Variants in PUF60 observed in about 807,000 individuals in gnomAD.
PUF60 encodes poly(U)-binding-splicing factor PUF60.
A neutral mutation model predicts 61.8 loss-of-function variants in PUF60; 10 were observed. The observed-to-expected ratio is 0.16, with a 90% CI of 0.10 to 0.27. The LOEUF (loss-of-function observed/expected upper bound fraction) is 0.27. Ranked by LOEUF, PUF60 falls within the 10% of genes least tolerant of loss-of-function variation. The probability of loss-of-function intolerance (pLI) is 1.00; values close to 1 mark genes in which losing one functional copy is unlikely to be tolerated. For missense variants in PUF60, 371 were observed against 754.0 expected (o/e 0.49, Z 5.95); for synonymous variants, 353 against 300.9 (o/e 1.17, Z -1.79).
chr8:143,819,881 A>T (rs554685291), intron 5 of PUF60, among the ~76,000 whole-genome samples: 4 of 151,958 alleles, frequency 2.6e-5, no homozygotes, highest in Non-Finnish European at 2.9e-5. Context: ...CCAGACCCCC[A>T]GCCCGGGCTC....
At chr8:143,820,938 A>G (rs1410155994) in intron 4 of PUF60, among the ~76,000 whole-genome samples, 5 of 151,936 alleles carry the variant, frequency 3.3e-5, no homozygotes, top group African/African-American at 4.8e-5. Flanking sequence ...GGCAGAAAGG[A>G]AGGGAGGGAG....
intron 1 of PUF60, among the ~76,000 whole-genome samples, chr8:143,828,503 G>A (rs1817902391): frequency 6.6e-6 from 1 of 152,230 alleles, no homozygotes. Context: ...CGCCTGCCCT[G>A]CCCGGGGAAG....
chr8:143,816,359 A>G lies in PUF60; in HGVS notation c.*161T>C, dbSNP rs1364846195. 6.3e-6 allele frequency: 5 copies of G among 787,692 alleles called. No homozygotes were observed. The highest frequency in any genetic ancestry group is 7.9e-6 in the Non-Finnish European group (4 of 508,218). The allele number at this position is 787,692 out of a possible 1,614,324, so 48.8% of individuals were successfully genotyped here. A position where few individuals can be genotyped will look rare whatever the true frequency, so the allele number is the denominator to read the frequency against. On this transcript the variant is annotated 3_prime_UTR_variant, in exon 12 of 12. Coordinates refer to ENST00000526683, the MANE Select transcript of PUF60 (RefSeq NM_078480.3). ...ACGCCCAGGATCGGTGACAGGACCGACGGCAGACACACGGACGTTCAGGGC... is the reference window on the plus strand; with the variant it reads ...ACGCCCAGGATCGGTGACAGGACCGGCGGCAGACACACGGACGTTCAGGGC...
At chr8:143,820,831 C>T (rs527737077) in intron 4 of PUF60, 115 bp from the exon 5 acceptor site, 22 of 1,017,916 alleles carry the variant, frequency 2.2e-5, no homozygotes, top group Middle Eastern at 2.1e-4. Flanking sequence ...CCAGGGAGGC[C>T]GCCTGCCTTC....
At chr8:143,824,257 G>A in intron 2 of PUF60, 56 bp downstream of exon 2, 2 of 1,485,806 alleles carry the variant, frequency 1.3e-6, no homozygotes, top group East Asian at 2.6e-5. Flanking sequence ...CAGGCAGGCG[G>A]GCGGGCGGGC....
Position 143,820,687 on chromosome 8 carries a change from A to T in PUF60, c.327T>A (p.Asp109Glu), listed in dbSNP as rs1816908263. ...QMAAVTMGFG[D>E]PLSPLQSMAA... is the part of the protein sequence containing the mutation. ...TGACCGATTGCAAAGGTGAGAGAGG[A>T]TCTCCAAAGCCCATTGTCACTGCTG... Residue 109 changes from aspartate to glutamate, a missense_variant, in exon 5 of 12, where the codon GAT (aspartate) becomes GAA (glutamate). Transcript: ENST00000526683. 2 of 1,612,986 alleles carry T rather than the reference A, an allele frequency of 1.2e-6. No homozygotes were observed. Among genetic ancestry groups the T allele is most frequent in the Non-Finnish European group, 1.7e-6 (2 of 1,179,450 alleles).
intron 1 of PUF60, among the ~76,000 whole-genome samples, chr8:143,826,841 A>G (rs962969164): frequency 1.3e-5 from 2 of 152,228 alleles, no homozygotes; most frequent in Non-Finnish European, 2.9e-5. Flanking sequence ...GTGAAGATTC[A>G]GTGAAATCCC....
At position 143,818,105 on chromosome 8, in the gene PUF60, C is replaced by T. The variant is rs751442686; in HGVS notation, c.604-30G>A. 20 of 1,607,044 alleles carry T rather than the reference C, an allele frequency of 1.2e-5. No homozygotes were observed. The highest frequency in any genetic ancestry group is 5.3e-5 in the African/African-American group (4 of 74,846). On this transcript the variant is annotated intron_variant, in intron 7 of 11. Coordinates refer to ENST00000526683, the MANE Select transcript of PUF60 (RefSeq NM_078480.3). This position sits in a 1 kb window ranked among gnomAD's most constrained non-coding sequence, Gnocchi z 7.9. ...GGAAGAGGCGGTGAGATGGAAAGAC[C>T]GGTCAACCCAGGCCCGGCCACAAAA...
Position 143,817,365 on chromosome 8 carries a change from A to T in PUF60, c.1110T>A (p.Ala370=). Residue 370 remains alanine, a synonymous_variant, in exon 10 of 12, where the codon GCT becomes GCA. Coordinates refer to ENST00000526683, the MANE Select transcript of PUF60 (RefSeq NM_078480.3). The surrounding 1 kb of genome is among the most constrained non-coding windows in gnomAD (Gnocchi z 7.4). The part of the protein sequence containing the change: ...LAQPLGTLPQ[A]VMAAQAPGVI... ...CTCCAGGTGCCTGGGCAGCCATGAC[A>T]GCCTGGGGCAAAGTGCCCAGGGGCT... 6.3e-7 allele frequency: 1 copy of T among 1,593,936 alleles called. No individual in the cohort carries two copies. Among genetic ancestry groups the T allele is most frequent in the Non-Finnish European group, 8.5e-7 (1 of 1,174,366 alleles).
At chr8:143,822,458 C>A (rs570679009) in intron 2 of PUF60, 49 of 456,420 alleles carry the variant, frequency 1.1e-4, no homozygotes, top group African/African-American at 8.2e-4. Context: ...AGTGCTCCCC[C>A]CACCGTCCCC....
intron 5 of PUF60, among the ~76,000 whole-genome samples, chr8:143,819,322 G>A (rs761217614): frequency 4.6e-5 from 7 of 152,112 alleles, no homozygotes; most frequent in East Asian, 3.9e-4. Context: ...TGGCTATTGC[G>A]CTGAGGGACC....
Position 143,818,321 on chromosome 8 carries a change from C to A in PUF60, c.511-36G>T. ...GGACACACCTGTCAGGCTGCGCGAGCCCAGGGGTGGGGGCGAGCCCGAAGT... is the reference window on the plus strand; with the variant it reads ...GGACACACCTGTCAGGCTGCGCGAGACCAGGGGTGGGGGCGAGCCCGAAGT... On this transcript the variant is annotated intron_variant, in intron 6 of 11. Coordinates refer to ENST00000526683, the MANE Select transcript of PUF60 (RefSeq NM_078480.3). This position sits in a 1 kb window ranked among gnomAD's most constrained non-coding sequence, Gnocchi z 7.9. 1 of 1,607,880 alleles carries A rather than the reference C, an allele frequency of 6.2e-7. No individual in the cohort carries two copies. The highest frequency in any genetic ancestry group is 1.1e-5 in the South Asian group (1 of 90,742).
At chr8:143,829,081 G>A (rs1817999244) in intron 1 of PUF60, 199 bp downstream of exon 1, 2 of 1,079,490 alleles carry the variant, frequency 1.9e-6, no homozygotes, top group Admixed American at 5.3e-5. Flanking sequence ...GGGTCCGCAG[G>A]CCGGAAGCTG....
At chr8:143,822,577 C>T (rs1817146967) in intron 2 of PUF60, 4 of 456,528 alleles carry the variant, frequency 8.8e-6, no homozygotes, top group South Asian at 6.2e-5. Flanking sequence ...CTTTGCCTGG[C>T]CCACTGGGAG....
At chr8:143,827,278 G>C (rs577153623) in intron 1 of PUF60, 7 of 429,230 alleles carry the variant, frequency 1.6e-5, no homozygotes, top group South Asian at 8.2e-5. Flanking sequence ...ACAGAAGAAA[G>C]GAACTGGAAC....
In PUF60 at chr8:143,818,816, G is replaced by A. The variant is rs1229782945; in HGVS notation, c.349-282C>T. ...AAAGCCGACAGATGGTCAGGAGGCA[G>A]GGCTGTGCGCCCTCCCACCCAGACC... On this transcript the variant is annotated intron_variant, in intron 5 of 11. Transcript: ENST00000526683. This position sits in a 1 kb window ranked among gnomAD's most constrained non-coding sequence, Gnocchi z 7.9. 1 of 501,304 alleles carries A rather than the reference G, an allele frequency of 2.0e-6. No individual in the cohort carries two copies. Among genetic ancestry groups the A allele is most frequent in the South Asian group, 3.1e-5 (1 of 32,692 alleles). The allele number at this position is 501,304 out of a possible 1,614,324, so 31.1% of individuals were successfully genotyped here.
chr8:143,818,768 G>C lies in PUF60; in HGVS notation c.349-234C>G, dbSNP rs1586574493. On this transcript the variant is annotated intron_variant, in intron 5 of 11. Transcript: ENST00000526683. This position sits in a 1 kb window ranked among gnomAD's most constrained non-coding sequence, Gnocchi z 7.9. ...GACAGGACGCACCCCAGCCCGCCAAGGTCCCAGGCAGACTGCGGCAGCAAA... is the reference window on the plus strand; with the variant it reads ...GACAGGACGCACCCCAGCCCGCCAACGTCCCAGGCAGACTGCGGCAGCAAA... The C allele has an allele frequency of 5.3e-6, 3 of 561,952 alleles. No individual in the cohort carries two copies. The highest frequency in any genetic ancestry group is 6.2e-6 in the Non-Finnish European group (2 of 320,042). The allele number at this position is 561,952 out of a possible 1,614,324, so 34.8% of individuals were successfully genotyped here.
At position 143,817,995 on chromosome 8, in the gene PUF60, G is replaced by A; in HGVS notation, c.684C>T (p.Ile228=). The A allele has an allele frequency of 6.2e-7, 1 of 1,612,976 alleles. No homozygotes were observed. The highest frequency in any genetic ancestry group is 8.5e-7 in the Non-Finnish European group (1 of 1,179,874). Reference sequence around the variant, plus strand: ...GGTCCTGGTGCACAGAGGCCACGTAGATGCGGTTGAAGGCCCGTGCCTCCT... The same window carrying A: ...GGTCCTGGTGCACAGAGGCCACGTAAATGCGGTTGAAGGCCCGTGCCTCCT... ...LAEEARAFNR[I]YVASVHQDLS... is the part of the protein sequence containing the mutation. Residue 228 remains isoleucine, a synonymous_variant, in exon 8 of 12, where the codon ATC becomes ATT. Transcript: ENST00000526683. The surrounding 1 kb of genome is among the most constrained non-coding windows in gnomAD (Gnocchi z 7.4).
chr8:143,827,557 G>A (rs879019188), intron 1 of PUF60: 1 of 423,696 alleles, frequency 2.4e-6, no homozygotes, highest in Admixed American at 2.5e-5. Flanking sequence ...ATGAGACAGG[G>A]GACAGGCTCT....
Sources: allele counts gnomAD v4.1 joint callset (sites outside exome capture counted in the v4.1 genomes callset), GRCh38; gene constraint gnomAD v4.1.1; non-coding constraint Gnocchi (gnomAD v3.1); transcripts MANE v1.5; gene names NCBI Gene and HGNC (gene_info 2026-07-23, HGNC 2026-07-21).